Variants in TMEM178B observed in about 807,000 individuals in gnomAD.
The protein encoded by TMEM178B is transmembrane protein 178B.
In TMEM178B, 5 loss-of-function variants were observed where a neutral mutation model predicts 31.0. That is an observed-to-expected ratio of 0.16 (90% CI 0.08 to 0.34). The LOEUF (loss-of-function observed/expected upper bound fraction) is 0.34, where lower values mean the gene tolerates loss of function less well. Among genes scored for constraint, TMEM178B ranks in the 10% least tolerant of loss-of-function variants. The probability of loss-of-function intolerance (pLI) is 1.00; values close to 1 mark genes in which losing one functional copy is unlikely to be tolerated. For synonymous variants in TMEM178B, 164 were observed against 164.0 expected, an observed-to-expected ratio of 1.00 and a Z score of 0.00; for missense variants, 275 against 400.3, an observed-to-expected ratio of 0.69 and a Z score of 2.67.
chr7:141,261,874 T>C (rs1205526310), intron 2 of TMEM178B, among the ~76,000 whole-genome samples: 2 of 152,172 alleles, frequency 1.3e-5, no homozygotes, highest in Non-Finnish European at 2.9e-5. Context: ...TTGAGCTTCA[T>C]AGAATCCTGG....
chr7:141,406,620 A>G (rs1402011062), intron 2 of TMEM178B, among the ~76,000 whole-genome samples: 1 of 152,272 alleles, frequency 6.6e-6, no homozygotes, highest in Admixed American at 6.5e-5. Flanking sequence ...ACTAACTCCT[A>G]GAAAGACAGA....
At chr7:141,086,625 A>G (rs367652230) in intron 1 of TMEM178B, among the ~76,000 whole-genome samples, 1 of 152,234 alleles carries the variant, frequency 6.6e-6, no homozygotes, top group Non-Finnish European at 1.5e-5. Context: ...GATGGTATTT[A>G]CTTTTCTCAA....
chr7:141,449,125 G>A (rs190856152), intron 3 of TMEM178B, among the ~76,000 whole-genome samples: 46 of 152,278 alleles, frequency 3.0e-4, no homozygotes, highest in Non-Finnish European at 4.6e-4. Context: ...CTCCCTCTCC[G>A]TGGCTCTTCT....
chr7:141,179,131 A>G (rs1796477340), intron 1 of TMEM178B, among the ~76,000 whole-genome samples: 1 of 152,224 alleles, frequency 6.6e-6, no homozygotes, highest in South Asian at 2.1e-4. Flanking sequence ...ACTGGTCTAT[A>G]GAATAAGACT....
At chr7:141,151,330 G>C (rs1795969395) in intron 1 of TMEM178B, among the ~76,000 whole-genome samples, 1 of 152,172 alleles carries the variant, frequency 6.6e-6, no homozygotes, top group African/African-American at 2.4e-5. Flanking sequence ...AACCCTGTGT[G>C]GTGGGGATTA....
intron 1 of TMEM178B, among the ~76,000 whole-genome samples, chr7:141,181,347 C>G (rs772505248): frequency 1.3e-5 from 2 of 152,260 alleles, no homozygotes; most frequent in Non-Finnish European, 2.9e-5. Context: ...ACAGGATGAC[C>G]AGTGTAGACT....
intron 3 of TMEM178B, among the ~76,000 whole-genome samples, chr7:141,439,207 C>A (rs1299366120): frequency 6.6e-6 from 1 of 152,118 alleles, no homozygotes; most frequent in Non-Finnish European, 1.5e-5. Flanking sequence ...TGAAACACAG[C>A]CATTCTGTGC....
At chr7:141,224,224 T>C (rs1797303258) in intron 2 of TMEM178B, among the ~76,000 whole-genome samples, 3 of 152,210 alleles carry the variant, frequency 2.0e-5, no homozygotes, top group Non-Finnish European at 2.9e-5. Context: ...TGTTTTTCTT[T>C]ATAAATTACC....
intron 2 of TMEM178B, among the ~76,000 whole-genome samples, chr7:141,362,513 T>TA (rs1202513497): frequency 4.0e-5 from 6 of 151,898 alleles, no homozygotes; most frequent in African/African-American, 1.5e-4. Context: ...ACTTTTTTTT[T>TA]TAAAAAAAAG....
At chr7:141,081,310 T>G (rs1463209040) in intron 1 of TMEM178B, among the ~76,000 whole-genome samples, 2 of 152,064 alleles carry the variant, frequency 1.3e-5, no homozygotes, top group Non-Finnish European at 2.9e-5. Flanking sequence ...ATAAAAAATT[T>G]TATAAACAGA....
At chr7:141,157,364 A>T (rs887567750) in intron 1 of TMEM178B, among the ~76,000 whole-genome samples, 5 of 152,096 alleles carry the variant, frequency 3.3e-5, no homozygotes, top group African/African-American at 1.2e-4. Flanking sequence ...TTTATAGAAC[A>T]GCTTTAAGGC....
intron 2 of TMEM178B, among the ~76,000 whole-genome samples, chr7:141,216,369 C>A (rs1393104386): frequency 6.6e-6 from 1 of 150,498 alleles, no homozygotes; most frequent in African/African-American, 2.5e-5. Context: ...GCTTACAAAT[C>A]TAATTGTAAA....
At chr7:141,246,088 C>A (rs55897704) in intron 2 of TMEM178B, among the ~76,000 whole-genome samples, 6,481 of 152,092 alleles carry the variant, frequency 0.043, 190 homozygotes, top group Non-Finnish European at 0.063. Flanking sequence ...AGGCCTATCA[C>A]AACTTTTTAT....
At chr7:141,285,398 T>A (rs1798433667) in intron 2 of TMEM178B, among the ~76,000 whole-genome samples, 1 of 151,852 alleles carries the variant, frequency 6.6e-6, no homozygotes, top group South Asian at 2.1e-4. Flanking sequence ...GACCTCATGA[T>A]CCACCTGCCT....
intron 2 of TMEM178B, among the ~76,000 whole-genome samples, chr7:141,290,979 C>G (rs1043443463): frequency 7.2e-5 from 11 of 152,166 alleles, no homozygotes; most frequent in African/African-American, 2.4e-4. Flanking sequence ...CTGGCTCTTC[C>G]TTGATGTCAG....
At chr7:141,268,796 A>G (rs1210101740) in intron 2 of TMEM178B, among the ~76,000 whole-genome samples, 1 of 152,266 alleles carries the variant, frequency 6.6e-6, no homozygotes, top group Admixed American at 6.5e-5. Flanking sequence ...AAATGAAAGC[A>G]AGAGCAAAGG....
intron 2 of TMEM178B, chr7:141,297,263 G>T (rs1798649846): frequency 6.6e-6 from 1 of 152,198 alleles, no homozygotes; most frequent in African/African-American, 2.4e-5. Flanking sequence ...ACAAAGGAAT[G>T]AATGGGTAAC....
intron 3 of TMEM178B, among the ~76,000 whole-genome samples, chr7:141,455,755 C>G (rs1052277300): frequency 2.6e-5 from 4 of 152,256 alleles, no homozygotes; most frequent in African/African-American, 7.2e-5. Flanking sequence ...CATTCAGTGA[C>G]CCAGTGGTGG....
At chr7:141,106,707 C>G (rs1457315872) in intron 1 of TMEM178B, among the ~76,000 whole-genome samples, 1 of 152,214 alleles carries the variant, frequency 6.6e-6, no homozygotes, top group East Asian at 1.9e-4. Context: ...GGTCCTCCCC[C>G]ATCATCACCA....
Sources: gnomAD v4.1 joint callset for allele counts (sites outside exome capture counted in the v4.1 genomes callset) on GRCh38, gnomAD v4.1.1 for gene constraint, MANE v1.5 for transcripts, NCBI Gene and HGNC (gene_info 2026-07-23, HGNC 2026-07-21) for gene names.